The following MAN1A2 variants were observed in gnomAD, a reference collection of about 807,000 sequenced individuals.
MAN1A2 encodes mannosyl-oligosaccharide 1,2-alpha-mannosidase IB.
Under a neutral mutation model 75.7 loss-of-function variants are expected in MAN1A2, and 26 were observed. The ratio of observed to expected loss-of-function variants is 0.34; its 90% confidence interval spans 0.25 to 0.48. The LOEUF is 0.48. Ranked by LOEUF, MAN1A2 falls within the 20% of genes least tolerant of loss-of-function variation. The probability of loss-of-function intolerance (pLI) is 0.99; values close to 1 mark genes in which losing one functional copy is unlikely to be tolerated. For missense variants in MAN1A2, 562 were observed against 775.5 expected, an observed-to-expected ratio of 0.72 and a Z score of 3.27; for synonymous variants, 247 against 264.6, an observed-to-expected ratio of 0.93 and a Z score of 0.65.
intron 12 of MAN1A2, among the ~76,000 whole-genome samples, chr1:117,507,907 TG>T (rs1651422401): frequency 6.6e-6 from 1 of 151,674 alleles, no homozygotes; most frequent in Non-Finnish European, 1.5e-5. Context: ...AAATAGCAGT[TG>T]GTCAAAAGTC....
chr1:117,443,612 C>CAAAT (rs1462435520), intron 6 of MAN1A2, among the ~76,000 whole-genome samples: 10 of 152,190 alleles, frequency 6.6e-5, no homozygotes, highest in African/African-American at 2.2e-4. Flanking sequence ...AATTGCAGAA[C>CAAAT]TTCTAATTTA....
chr1:117,373,484 G>GTTTTT (rs34482916), intron 1 of MAN1A2, among the ~76,000 whole-genome samples: 3 of 113,364 alleles, frequency 2.6e-5, no homozygotes, highest in South Asian at 2.9e-4. Flanking sequence ...TGCTGCATTT[G>GTTTTT]TTTTTTTTTT....
chr1:117,419,648 C>A (rs1432941265), intron 4 of MAN1A2, among the ~76,000 whole-genome samples: 1 of 151,786 alleles, frequency 6.6e-6, no homozygotes, highest in African/African-American at 2.4e-5. Flanking sequence ...AGTTGTATAT[C>A]TTCTGTAGAT....
intron 8 of MAN1A2, among the ~76,000 whole-genome samples, chr1:117,488,257 G>A (rs564511739): frequency 9.9e-4 from 150 of 151,756 alleles, no homozygotes; most frequent in African/African-American, 3.3e-3. Context: ...TATTGCCCAG[G>A]CTGGAGTGCA....
rs188798042 is a variant in MAN1A2 at position 117,484,356 on chromosome 1, G to A, written c.1169-8791G>A. On this transcript the variant is annotated intron_variant, in intron 8 of 12. Coordinates refer to ENST00000356554, the MANE Select transcript of MAN1A2 (RefSeq NM_006699.5). ...CTACAGTGGCAAACCTCAATCTACA[G>A]TACAAATCAAACAGTCCAACTTTTT... 1.0e-3 allele frequency among the ~76,000 whole-genome samples: 152 copies of A among 152,050 alleles called. 1 individual carries two copies. Among genetic ancestry groups the A allele is most frequent in the African/African-American group, 3.6e-3 (150 of 41,534 alleles).
Position 117,381,559 on chromosome 1 carries a change from C to A in MAN1A2, c.302+13074C>A, listed in dbSNP as rs914307977. Among the ~76,000 whole-genome samples, 20 of 152,166 alleles carry A rather than the reference C, an allele frequency of 1.3e-4. 1 individual carries two copies. The highest frequency in any genetic ancestry group is 7.7e-4 in the East Asian group (4 of 5,194). On this transcript the variant is annotated intron_variant, in intron 1 of 12. Coordinates refer to ENST00000356554, the MANE Select transcript of MAN1A2 (RefSeq NM_006699.5). ...CATAGTATTCCATGGTGTATATGTG[C>A]CACATTTTCTTAATCCAGTCTATCG...
chr1:117,460,607 A>G lies in MAN1A2; in HGVS notation c.1069A>G (p.Lys357Glu). 1 of 1,601,136 alleles carries G rather than the reference A, an allele frequency of 6.2e-7. No individual in the cohort carries two copies. The highest frequency in any genetic ancestry group is 8.5e-7 in the Non-Finnish European group (1 of 1,175,676). ...SYLTGDLTYY[K>E]KVMHIRKLLQ... ...CTTGACAGGGGACCTGACTTACTAC[A>G]AAAAGGTTTGTTTTCTTGCCTTCTA... is the stretch of plus-strand genomic sequence containing the variant. The change falls in exon 7 of 13, where the codon AAA becomes GAA. Residue 357 changes from lysine to glutamate, a missense_variant. Lys to Glu is a moderately conservative substitution (Grantham distance 56, BLOSUM62 1). Coordinates refer to ENST00000356554, the MANE Select transcript of MAN1A2 (RefSeq NM_006699.5).
chr1:117,381,800 C>T (rs1264768633), intron 1 of MAN1A2, among the ~76,000 whole-genome samples: 29 of 152,048 alleles, frequency 1.9e-4, no homozygotes, highest in Non-Finnish European at 3.2e-4. Flanking sequence ...ACAGTCCCAC[C>T]AACAGTGTAA....
At chr1:117,383,406 T>G (rs1227514137) in intron 1 of MAN1A2, among the ~76,000 whole-genome samples, 1 of 152,158 alleles carries the variant, frequency 6.6e-6, no homozygotes, top group Non-Finnish European at 1.5e-5. Context: ...ATAAGGGACA[T>G]TAGTCTGTAG....
chr1:117,446,649 T>A (rs923015781), intron 6 of MAN1A2, among the ~76,000 whole-genome samples: 2 of 152,156 alleles, frequency 1.3e-5, no homozygotes, highest in African/African-American at 4.8e-5. Flanking sequence ...TCATAAAAAT[T>A]ACAATTTGAA....
chr1:117,518,756 C>A (rs1336976115), intron 12 of MAN1A2, among the ~76,000 whole-genome samples: 4 of 151,998 alleles, frequency 2.6e-5, no homozygotes, highest in African/African-American at 7.2e-5. Flanking sequence ...CAGTACTCCA[C>A]TGACAGCACT....
intron 8 of MAN1A2, among the ~76,000 whole-genome samples, chr1:117,467,669 C>T (rs1650022921): frequency 6.6e-6 from 1 of 152,014 alleles, no homozygotes; most frequent in Admixed American, 6.6e-5. Context: ...AGCTGCATTT[C>T]TAAAATGTAA....
intron 12 of MAN1A2, among the ~76,000 whole-genome samples, chr1:117,508,321 TAAC>T (rs141187734): frequency 0.14 from 20,799 of 151,554 alleles, 1,621 homozygotes; most frequent in Admixed American, 0.22. Flanking sequence ...AACATAGTCT[TAAC>T]AAATTTGTTA....
At chr1:117,390,906 C>G (rs1653696631) in intron 1 of MAN1A2, among the ~76,000 whole-genome samples, 1 of 151,958 alleles carries the variant, frequency 6.6e-6, no homozygotes. Flanking sequence ...TAAAAAACGC[C>G]TTTATTGAGG....
chr1:117,512,217 G>A (rs1173959594), intron 12 of MAN1A2, among the ~76,000 whole-genome samples: 1 of 152,072 alleles, frequency 6.6e-6, no homozygotes, highest in Admixed American at 6.6e-5. Flanking sequence ...AGGATGTCAG[G>A]GCTGCGGATT....
chr1:117,437,617 A>G (rs1041762028), intron 5 of MAN1A2, among the ~76,000 whole-genome samples: 40 of 152,236 alleles, frequency 2.6e-4, no homozygotes, highest in South Asian at 2.1e-4. Flanking sequence ...TTAAATTCAG[A>G]CTAACTGCTT....
chr1:117,502,682 T>C (rs1344062563), intron 11 of MAN1A2, among the ~76,000 whole-genome samples, 173 bp from the exon 12 acceptor site: 1 of 151,740 alleles, frequency 6.6e-6, no homozygotes, highest in Non-Finnish European at 1.5e-5. Flanking sequence ...GTTTCTCGTA[T>C]GAGTTAATTT....
intron 8 of MAN1A2, among the ~76,000 whole-genome samples, chr1:117,487,554 T>C (rs1053130976): frequency 6.6e-6 from 1 of 152,066 alleles, no homozygotes; most frequent in African/African-American, 2.4e-5. Context: ...GCAGTTGATG[T>C]CTAAGAAAAG....
Position 117,526,868 on chromosome 1 carries a change from CTCTCTCTCTCTCTATA to C in MAN1A2, c.*3913_*3928del, listed in dbSNP as rs1348548773. ...TCTCTCTCTCTCTCTCTCTCTCTCT[CTCTCTCTCTCTCTATA>C]TATATATATATATATATATATATAT... On this transcript the variant is annotated 3_prime_UTR_variant, in exon 13 of 13. Coordinates refer to ENST00000356554, the MANE Select transcript of MAN1A2 (RefSeq NM_006699.5). 0.024 allele frequency: 2,301 copies of C among 93,972 alleles called. 23 individuals are homozygous for C. The highest frequency in any genetic ancestry group is 0.049 in the Middle Eastern group (9 of 184). 5.8% of individuals were successfully genotyped at this position (93,972 alleles called of 1,614,324 possible).
Sources: allele counts gnomAD v4.1 joint callset (sites outside exome capture counted in the v4.1 genomes callset), GRCh38; gene constraint gnomAD v4.1.1; transcripts MANE v1.5; gene names NCBI Gene and HGNC (gene_info 2026-07-23, HGNC 2026-07-21).